The following LRRC23 variants were observed in gnomAD, a reference collection of about 807,000 sequenced individuals.
LRRC23 encodes leucine rich repeat containing 23.
Under a neutral mutation model 37.7 loss-of-function variants are expected in LRRC23, and 28 were observed. The observed-to-expected ratio is 0.74, with a 90% CI of 0.55 to 1.02. The LOEUF (loss-of-function observed/expected upper bound fraction) is 1.02, where lower values mean the gene tolerates loss of function less well. Among genes scored for constraint, LRRC23 ranks in the 50% least tolerant of loss-of-function variants. The probability of loss-of-function intolerance (pLI) is 0.00; values close to 1 mark genes in which losing one functional copy is unlikely to be tolerated. For missense variants in LRRC23, 377 were observed against 413.2 expected, an observed-to-expected ratio of 0.91 and a Z score of 0.76; for synonymous variants, 161 against 165.4, an observed-to-expected ratio of 0.97 and a Z score of 0.20.
intron 4 of LRRC23, 103 bp downstream of exon 4, chr12:6,906,765 T>G: frequency 8.8e-7 from 1 of 1,132,778 alleles, no homozygotes; most frequent in Non-Finnish European, 1.3e-6. Flanking sequence ...CAGTCTGCAT[T>G]CATTCATTCA....
intron 6 of LRRC23, 46 bp from the exon 7 acceptor site, chr12:6,912,684 C>A: frequency 1.3e-6 from 2 of 1,575,716 alleles, no homozygotes; most frequent in South Asian, 1.1e-5. Flanking sequence ...AACTGGCAAC[C>A]AAAGCCCATT....
At chr12:6,909,108 TAATTAC>T (rs1555140186) in intron 5 of LRRC23, among the ~76,000 whole-genome samples, 77 of 32,108 alleles carry the variant, frequency 2.4e-3, no homozygotes, top group East Asian at 2.9e-3. Flanking sequence ...ATATAATATA[TAATTAC>T]ATATAATATA....
At chr12:6,910,526 T>G (rs1481900190) in intron 6 of LRRC23, among the ~76,000 whole-genome samples, 2 of 151,988 alleles carry the variant, frequency 1.3e-5, no homozygotes, top group African/African-American at 4.8e-5. Flanking sequence ...CTGGGCAACA[T>G]GGCAAAATCC....
At chr12:6,913,711 C>T in intron 7 of LRRC23, 180 bp from the exon 8 acceptor site, 1 of 423,190 alleles carries the variant, frequency 2.4e-6, no homozygotes, top group Non-Finnish European at 4.2e-6. Flanking sequence ...ACTACAGGCG[C>T]ATGCAACCGC....
chr12:6,910,527 G>T (rs1198378092), intron 6 of LRRC23, among the ~76,000 whole-genome samples: 2 of 151,986 alleles, frequency 1.3e-5, no homozygotes, highest in African/African-American at 4.8e-5. Context: ...TGGGCAACAT[G>T]GCAAAATCCC....
Position 6,913,888 on chromosome 12 carries a change from C to T in LRRC23, c.*25-3C>T. ...CCTATTTACTTCTGTCTTCTACCTC[C>T]AGGAGATCAAAGACGCTGGCCTTCA... is the stretch of plus-strand genomic sequence containing the variant. On this transcript the variant is annotated splice_region_variant and splice_polypyrimidine_tract_variant and intron_variant, in intron 7 of 7. Transcript: ENST00000443597. The T allele has an allele frequency of 1.3e-6, 2 of 1,583,182 alleles. No individual in the cohort carries two copies. The highest frequency in any genetic ancestry group is 1.7e-6 in the Non-Finnish European group (2 of 1,166,046).
chr12:6,913,808 C>T (rs1404479567), intron 7 of LRRC23, 83 bp from the exon 8 acceptor site: 2 of 1,029,804 alleles, frequency 1.9e-6, no homozygotes, highest in East Asian at 2.6e-5. Flanking sequence ...CGTGATCTGC[C>T]CGCCTCCGCC....
At chr12:6,912,518 A>G (rs1416782860) in intron 6 of LRRC23, among the ~76,000 whole-genome samples, 1 of 152,122 alleles carries the variant, frequency 6.6e-6, no homozygotes, top group Non-Finnish European at 1.5e-5. Context: ...AGAGTAGAAT[A>G]TGGCACTTAG....
intron 6 of LRRC23, among the ~76,000 whole-genome samples, chr12:6,910,425 A>G (rs980783070): frequency 7.9e-5 from 12 of 151,986 alleles, no homozygotes; most frequent in Non-Finnish European, 1.5e-4. Flanking sequence ...AGTGAAAATA[A>G]TGGCCCGGCA....
At chr12:6,908,035 C>T (rs1555139930) in intron 5 of LRRC23, among the ~76,000 whole-genome samples, 1 of 152,050 alleles carries the variant, frequency 6.6e-6, no homozygotes, top group East Asian at 1.9e-4. Flanking sequence ...GACCTCTTCT[C>T]TGGATTTAAT....
At chr12:6,912,176 A>G (rs1399815356) in intron 6 of LRRC23, among the ~76,000 whole-genome samples, 3 of 152,046 alleles carry the variant, frequency 2.0e-5, no homozygotes, top group Admixed American at 1.3e-4. Context: ...TTCCTTGTCC[A>G]CTGACCTAGG....
At chr12:6,913,833 G>C in intron 7 of LRRC23, 58 bp from the exon 8 acceptor site, 3 of 1,346,882 alleles carry the variant, frequency 2.2e-6, no homozygotes, top group Non-Finnish European at 3.0e-6. Flanking sequence ...AAAGTGCTGG[G>C]ATTACAGGGG....
At chr12:6,911,059 C>T (rs1463162497) in intron 6 of LRRC23, among the ~76,000 whole-genome samples, 2 of 152,122 alleles carry the variant, frequency 1.3e-5, no homozygotes, top group African/African-American at 4.8e-5. Flanking sequence ...CCATTTCCTG[C>T]CTCTCTTCTC....
intron 6 of LRRC23, among the ~76,000 whole-genome samples, chr12:6,910,845 A>G (rs1262790172): frequency 6.6e-6 from 1 of 152,178 alleles, no homozygotes; most frequent in Non-Finnish European, 1.5e-5. Flanking sequence ...TGAGCCCAGG[A>G]GTTCAAGGTT....
Position 6,913,944 on chromosome 12 carries a change from A to G in LRRC23, c.*78A>G, listed in dbSNP as rs782424785. ...GATCAGACTCCCAGGGGCAGCCACCACATGTATGACAGAGAACAGAGGATG... is the reference window on the plus strand; with the variant it reads ...GATCAGACTCCCAGGGGCAGCCACCGCATGTATGACAGAGAACAGAGGATG... On this transcript the variant is annotated 3_prime_UTR_variant, in exon 8 of 8. Coordinates refer to ENST00000443597, the MANE Select transcript of LRRC23 (RefSeq NM_001135217.2). The G allele has an allele frequency of 1.9e-6, 3 of 1,612,828 alleles. No homozygotes were observed. In the Admixed American group the frequency reaches 5.0e-5, roughly 27 times the overall value.
chr12:6,907,567 C>T (rs1304231209), intron 5 of LRRC23, 122 bp downstream of exon 5: 1 of 1,055,150 alleles, frequency 9.5e-7, no homozygotes, highest in Admixed American at 1.9e-5. Context: ...GTATTATTAT[C>T]AAGACCATAG....
At chr12:6,908,596 C>CAAAAAAAAAAAAAA (rs61662814) in intron 5 of LRRC23, among the ~76,000 whole-genome samples, 1 of 31,092 alleles carries the variant, frequency 3.2e-5, no homozygotes, top group African/African-American at 9.8e-5. Context: ...GACTCCATCT[C>CAAAAAAAAAAAAAA]AAAAAAAAAA....
In LRRC23 at chr12:6,910,064, CT is replaced by C. The variant is rs781923846; in HGVS notation, c.758+39del. 3.2e-6 allele frequency: 5 copies of C among 1,567,618 alleles called. No individual in the cohort carries two copies. The South Asian group carries it at 3.6e-5, about 11-fold the overall frequency. ...TCCAAGCCCCACCTTGCCCCTACCCCTGACCAGGTGCAGCTTTTGAGTCTGT... is the reference window on the plus strand; with the variant it reads ...TCCAAGCCCCACCTTGCCCCTACCCCGACCAGGTGCAGCTTTTGAGTCTGT... On this transcript the variant is annotated intron_variant, in intron 6 of 7. Transcript: ENST00000443597.
At chr12:6,907,109 G>A (rs192972660) in intron 4 of LRRC23, among the ~76,000 whole-genome samples, 5 of 152,138 alleles carry the variant, frequency 3.3e-5, no homozygotes, top group Admixed American at 3.3e-4. Context: ...CTCTTCAAAG[G>A]CTTAGGTGGA....
Sources: allele counts gnomAD v4.1 joint callset (sites outside exome capture counted in the v4.1 genomes callset), GRCh38; gene constraint gnomAD v4.1.1; transcripts MANE v1.5; gene names NCBI Gene and HGNC (gene_info 2026-07-23, HGNC 2026-07-21).